Variants in RECK observed in about 807,000 individuals in gnomAD.
RECK encodes reversion inducing cysteine rich protein with kazal motifs, also known as reversion-inducing cysteine-rich protein with Kazal motifs.
RECK carries 69 observed loss-of-function variants against 115.1 expected under a neutral mutation model. The ratio of observed to expected loss-of-function variants is 0.60; its 90% CI spans 0.49 to 0.73. The LOEUF (loss-of-function observed/expected upper bound fraction) is 0.73, where lower values mean the gene tolerates loss of function less well. Among genes scored for constraint, RECK ranks in the 30% least tolerant of loss-of-function variants. RECK has a pLI of 0.00. For missense variants in RECK, 1,047 were observed against 1,203.7 expected (o/e 0.87, Z 1.93); for synonymous variants, 414 against 419.7 (o/e 0.99, Z 0.17).
intron 11 of RECK, 103 bp downstream of exon 11, chr9:36,100,646 G>A: frequency 1.2e-6 from 1 of 804,196 alleles, no homozygotes; most frequent in Non-Finnish European, 2.0e-6. Context: ...CACTTCCTTT[G>A]CCTATCACCC....
intron 2 of RECK, chr9:36,057,054 A>ATTT (rs1821555665): frequency 2.0e-6 from 2 of 978,698 alleles, no homozygotes; most frequent in African/African-American, 3.5e-5. Context: ...ATGATTTATT[A>ATTT]TTTACTGAAA....
At position 36,052,391 on chromosome 9, in the gene RECK, G is replaced by A. The variant is rs1821343735; in HGVS notation, c.159+68G>A. The A allele has an allele frequency of 1.5e-5, 18 of 1,185,284 alleles. No individual in the cohort carries two copies. The South Asian group carries it at 2.2e-4, about 15-fold the overall frequency. 73.4% of individuals were successfully genotyped at this position (1,185,284 alleles called of 1,614,324 possible). On this transcript the variant is annotated intron_variant, in intron 2 of 20. Transcript: ENST00000377966. The stretch of plus-strand genomic sequence containing the variant: ...TTCATGCCTGTAATCCCAGCACTTT[G>A]GGAGGCCAGGGTGGGAGGATTGCTT...
At chr9:36,055,976 C>CT (rs1308777311) in intron 2 of RECK, among the ~76,000 whole-genome samples, 4 of 151,976 alleles carry the variant, frequency 2.6e-5, no homozygotes, top group Admixed American at 2.6e-4. Flanking sequence ...TCATTATTGT[C>CT]TTTTTCAATC....
intron 5 of RECK, 51 bp from the exon 6 acceptor site, chr9:36,065,526 G>A (rs1821957574): frequency 7.0e-7 from 1 of 1,434,504 alleles, no homozygotes; most frequent in Non-Finnish European, 9.5e-7. Context: ...TTTTTGCCCT[G>A]TGCTGAATAG....
chr9:36,084,974 G>A (rs928457395), intron 8 of RECK, among the ~76,000 whole-genome samples: 1 of 152,076 alleles, frequency 6.6e-6, no homozygotes, highest in Non-Finnish European at 1.5e-5. Context: ...AAGATGGCTT[G>A]AGCCCAGGAG....
intron 6 of RECK, among the ~76,000 whole-genome samples, chr9:36,071,883 T>TTA (rs1312752645): frequency 6.6e-6 from 1 of 152,196 alleles, no homozygotes; most frequent in East Asian, 1.9e-4. Flanking sequence ...CACAGCTAAA[T>TTA]GTATAGAATG....
At chr9:36,101,249 C>G (rs1185373201) in intron 11 of RECK, among the ~76,000 whole-genome samples, 12 of 152,170 alleles carry the variant, frequency 7.9e-5, no homozygotes, top group African/African-American at 2.9e-4. Flanking sequence ...CTGCGCCCAG[C>G]CGACTTTGCT....
At chr9:36,088,121 T>C (rs1823035142) in intron 9 of RECK, among the ~76,000 whole-genome samples, 160 bp downstream of exon 9, 3 of 152,240 alleles carry the variant, frequency 2.0e-5, no homozygotes, top group Non-Finnish European at 4.4e-5. Flanking sequence ...TTGAGCATTG[T>C]GTACCGTATA....
chr9:36,055,770 G>A (rs1821498862), intron 2 of RECK, among the ~76,000 whole-genome samples: 1 of 152,050 alleles, frequency 6.6e-6, no homozygotes, highest in African/African-American at 2.4e-5. Flanking sequence ...TCTTTCCATT[G>A]TTCTAACCTG....
chr9:36,066,995 C>G, intron 6 of RECK: 1 of 429,416 alleles, frequency 2.3e-6, no homozygotes, highest in South Asian at 2.0e-5. Context: ...CAAAAGGATC[C>G]TTTTGTTTTT....
chr9:36,115,320 A>G lies in RECK; in HGVS notation c.2061-1665A>G, dbSNP rs528955032. On this transcript the variant is annotated intron_variant, in intron 16 of 20. Coordinates refer to ENST00000377966, the MANE Select transcript of RECK (RefSeq NM_021111.3). ...ACAGAGCAAGACTCTGTCTCAAATA[A>G]TAATAATAATAATAATAATAATTGT... is the stretch of plus-strand genomic sequence containing the variant. 3.4e-5 allele frequency among the ~76,000 whole-genome samples: 5 copies of G among 148,370 alleles called. No homozygotes were observed. In the East Asian group the frequency reaches 5.8e-4, roughly 17 times the overall value.
At chr9:36,083,292 A>G (rs1032777254) in intron 7 of RECK, 73 bp from the exon 8 acceptor site, 1 of 1,428,866 alleles carries the variant, frequency 7.0e-7, no homozygotes, top group African/African-American at 1.4e-5. Flanking sequence ...ATATTGTTCC[A>G]TCATTATGAT....
Position 36,094,202 on chromosome 9 carries a change from C to CTT in RECK, c.1085+2866_1085+2867dup, listed in dbSNP as rs144257167. Among the ~76,000 whole-genome samples, 2 of 151,398 alleles carry CTT rather than the reference C, an allele frequency of 1.3e-5. No homozygotes were observed. Among genetic ancestry groups the CTT allele is most frequent in the Admixed American group, 6.6e-5 (1 of 15,226 alleles). ...AATATTTTTTCTTTATTTTCTTTTTCTTTTTTTTCTTTTGTATTTTATTTT... is the reference window on the plus strand; with the variant it reads ...AATATTTTTTCTTTATTTTCTTTTTCTTTTTTTTTTCTTTTGTATTTTATTTT... On this transcript the variant is annotated intron_variant, in intron 10 of 20. Coordinates refer to ENST00000377966, the MANE Select transcript of RECK (RefSeq NM_021111.3). The surrounding 1 kb of genome is among the most constrained non-coding windows in gnomAD (Gnocchi z 4.1).
chr9:36,091,224 T>G lies in RECK; in HGVS notation c.966T>G (p.Phe322Leu). ...GCAATACACAGAGTTGGCAAGAGTT[T>G]GATCGCTTTTGTGAATATAATCCAG... The part of the protein sequence containing the change: ...SWGNTQSWQE[F>L]DRFCEYNPVE... The change falls in exon 10 of 21, where the codon TTT becomes TTG. Residue 322 changes from phenylalanine (F) to leucine (L), a missense_variant. Coordinates refer to ENST00000377966, the MANE Select transcript of RECK (RefSeq NM_021111.3). 13 of 1,614,084 alleles carry G rather than the reference T, an allele frequency of 8.1e-6. No individual in the cohort carries two copies. The highest frequency in any genetic ancestry group is 1.1e-5 in the Non-Finnish European group (13 of 1,179,948).
intron 1 of RECK, among the ~76,000 whole-genome samples, chr9:36,038,321 G>A (rs990417623): frequency 6.6e-6 from 1 of 152,136 alleles, no homozygotes; most frequent in Admixed American, 6.5e-5. Flanking sequence ...AGTTCCAACA[G>A]GGGTATTAAC....
At chr9:36,107,559 C>T (rs922911615) in intron 13 of RECK, among the ~76,000 whole-genome samples, 31 of 147,870 alleles carry the variant, frequency 2.1e-4, no homozygotes, top group African/African-American at 7.8e-4. Context: ...GAGCCAAGAT[C>T]GTGCCACTAC....
intron 1 of RECK, among the ~76,000 whole-genome samples, chr9:36,037,824 G>A (rs1366845756): frequency 6.6e-6 from 1 of 152,014 alleles, no homozygotes; most frequent in Non-Finnish European, 1.5e-5. Context: ...AGGCAGAAAT[G>A]TCCAGAGGAA....
chr9:36,093,044 A>G lies in RECK; in HGVS notation c.1085+1701A>G, dbSNP rs140937769. Among the ~76,000 whole-genome samples the G allele has an allele frequency of 4.1e-3, 625 of 152,300 alleles. 2 individuals carry two copies. The highest frequency in any genetic ancestry group is 0.014 in the Middle Eastern group (4 of 294). On this transcript the variant is annotated intron_variant, in intron 10 of 20. Coordinates refer to ENST00000377966, the MANE Select transcript of RECK (RefSeq NM_021111.3). ...GCAGTTAGCATTTGCTGGGCAGACG[A>G]TTTAGAATTCAGATTATGCCAAGTT...
chr9:36,046,666 A>G (rs1821083490), intron 1 of RECK, among the ~76,000 whole-genome samples: 1 of 152,216 alleles, frequency 6.6e-6, no homozygotes, highest in African/African-American at 2.4e-5. Context: ...CTTTCATCCC[A>G]TTTTGTCAGA....
Sources: gnomAD v4.1 joint callset for allele counts (sites outside exome capture counted in the v4.1 genomes callset) on GRCh38, gnomAD v4.1.1 for gene constraint, Gnocchi (gnomAD v3.1) non-coding constraint, MANE v1.5 for transcripts, NCBI Gene and HGNC (gene_info 2026-07-23, HGNC 2026-07-21) for gene names.